Variants in TNS3 observed in about 807,000 individuals in gnomAD.
The protein encoded by TNS3 is tensin 3, also known as tensin-3.
TNS3 carries 45 observed loss-of-function variants against 140.9 expected under a neutral mutation model. The observed-to-expected ratio is 0.32, with a 90% CI of 0.25 to 0.41. The LOEUF is 0.41. TNS3 is among the 10% of genes least tolerant of loss of function. The probability of loss-of-function intolerance (pLI) is 1.00; values close to 1 mark genes in which losing one functional copy is unlikely to be tolerated. For synonymous variants in TNS3, 815 were observed against 788.4 expected (o/e 1.03, Z -0.56); for missense variants, 1,716 against 1,906.7 (o/e 0.90, Z 1.86).
chr7:47,300,961 G>C (rs1786367315), intron 23 of TNS3, among the ~76,000 whole-genome samples: 3 of 152,120 alleles, frequency 2.0e-5, no homozygotes, highest in Admixed American at 6.5e-5. Flanking sequence ...TCGCTTCTTT[G>C]AGATCATAAG....
At chr7:47,306,561 T>C (rs1786765620) in intron 20 of TNS3, among the ~76,000 whole-genome samples, 1 of 151,784 alleles carries the variant, frequency 6.6e-6, no homozygotes, top group African/African-American at 2.4e-5. Flanking sequence ...ATTCTTTTCC[T>C]AAGGAAACCT....
intron 5 of TNS3, among the ~76,000 whole-genome samples, chr7:47,441,097 A>G (rs1001588189): frequency 3.3e-5 from 5 of 152,234 alleles, no homozygotes; most frequent in African/African-American, 1.2e-4. Flanking sequence ...CTTTTTGATT[A>G]AAATGTCTAC....
At chr7:47,323,034 AGC>A (rs1787836314) in intron 20 of TNS3, among the ~76,000 whole-genome samples, 1 of 152,288 alleles carries the variant, frequency 6.6e-6, no homozygotes. Flanking sequence ...CCCCGTCTCC[AGC>A]CCACCTGCAG....
intron 3 of TNS3, among the ~76,000 whole-genome samples, chr7:47,483,126 G>A (rs1414241648): frequency 6.6e-6 from 1 of 151,996 alleles, no homozygotes; most frequent in East Asian, 1.9e-4. Context: ...ATGTACCACA[G>A]GAATGGAAAA....
intron 17 of TNS3, among the ~76,000 whole-genome samples, chr7:47,367,210 C>T (rs943693793): frequency 6.6e-6 from 1 of 152,214 alleles, no homozygotes; most frequent in Non-Finnish European, 1.5e-5. Context: ...TCCTGGCGTG[C>T]ACCTCTGTGC....
intron 20 of TNS3, among the ~76,000 whole-genome samples, chr7:47,320,493 C>T (rs537426633): frequency 6.6e-6 from 1 of 152,340 alleles, no homozygotes; most frequent in East Asian, 1.9e-4. Context: ...CCCTCCCAGT[C>T]TAGCAGCTGG....
chr7:47,524,408 T>C (rs1799101960), intron 2 of TNS3, among the ~76,000 whole-genome samples: 1 of 152,216 alleles, frequency 6.6e-6, no homozygotes, highest in African/African-American at 2.4e-5. Flanking sequence ...CCATCCTAGC[T>C]GAGGCGCCCA....
intron 1 of TNS3, among the ~76,000 whole-genome samples, chr7:47,530,691 G>A (rs1250329625): frequency 6.6e-6 from 1 of 151,040 alleles, no homozygotes; most frequent in African/African-American, 2.4e-5. Context: ...CGGGCATGGT[G>A]GTGGTGCCTG....
At chr7:47,280,476 T>A in intron 28 of TNS3, 122 bp from the exon 29 acceptor site, 5 of 895,648 alleles carry the variant, frequency 5.6e-6, no homozygotes, top group Non-Finnish European at 7.3e-6. Context: ...TTCATACTTT[T>A]ACTCATCACT....
chr7:47,361,282 C>T (rs1175179875), intron 17 of TNS3, among the ~76,000 whole-genome samples: 1 of 151,348 alleles, frequency 6.6e-6, no homozygotes, highest in African/African-American at 2.4e-5. Context: ...GGAAGAGCCA[C>T]ACTCCTTGGC....
At chr7:47,500,574 C>T (rs1343110969) in intron 3 of TNS3, among the ~76,000 whole-genome samples, 1 of 152,204 alleles carries the variant, frequency 6.6e-6, no homozygotes, top group Non-Finnish European at 1.5e-5. Flanking sequence ...GACTGAGTGG[C>T]ATTCCTTCTG....
At position 47,285,297 on chromosome 7, in the gene TNS3, G is replaced by T. The variant is rs987196071; in HGVS notation, c.3929-1432C>A. ...GATGATCACTTGGTGATATGGTTTGGCTCTGTCCCCACCCAAATCTCATCT... is the reference window on the plus strand; with the variant it reads ...GATGATCACTTGGTGATATGGTTTGTCTCTGTCCCCACCCAAATCTCATCT... On this transcript the variant is annotated intron_variant, in intron 27 of 30. Coordinates refer to ENST00000311160, the MANE Select transcript of TNS3 (RefSeq NM_022748.12). 1.6e-4 allele frequency among the ~76,000 whole-genome samples: 25 copies of T among 152,290 alleles called. No individual in the cohort carries two copies. In the Middle Eastern group the frequency reaches 0.01, roughly 62 times the overall value.
At chr7:47,579,410 G>C (rs764180412) in intron 1 of TNS3, 1 of 152,110 alleles carries the variant, frequency 6.6e-6, no homozygotes, top group African/African-American at 2.4e-5. Flanking sequence ...AGATCAACCC[G>C]CAAGACAGGA....
At chr7:47,311,962 C>T (rs1011268879) in intron 20 of TNS3, among the ~76,000 whole-genome samples, 12 of 152,152 alleles carry the variant, frequency 7.9e-5, no homozygotes, top group South Asian at 4.1e-4. Flanking sequence ...CACCAATTTC[C>T]GCACTAATGT....
intron 1 of TNS3, among the ~76,000 whole-genome samples, chr7:47,573,458 C>T (rs1046206317): frequency 6.6e-6 from 1 of 152,228 alleles, no homozygotes; most frequent in Non-Finnish European, 1.5e-5. Flanking sequence ...CCACAGTTCT[C>T]CGAAAGGGTG....
chr7:47,493,783 G>A (rs1020522088), intron 3 of TNS3, among the ~76,000 whole-genome samples: 17 of 150,772 alleles, frequency 1.1e-4, no homozygotes, highest in South Asian at 2.1e-4. Context: ...AGCCGAGATC[G>A]CGCCACTGCA....
At chr7:47,514,924 C>A (rs1300224178) in intron 2 of TNS3, among the ~76,000 whole-genome samples, 2 of 152,128 alleles carry the variant, frequency 1.3e-5, no homozygotes, top group Non-Finnish European at 2.9e-5. Context: ...TCAATGGCAA[C>A]TGGACCATGT....
chr7:47,442,086 A>G, intron 4 of TNS3, 31 bp from the exon 5 acceptor site: 1 of 1,249,884 alleles, frequency 8.0e-7, no homozygotes, highest in African/African-American at 1.6e-5. Context: ...GTCATTTTGA[A>G]GTTTCCTTTC....
intron 1 of TNS3, among the ~76,000 whole-genome samples, chr7:47,575,360 CAT>C (rs752758652): frequency 6.6e-6 from 1 of 152,096 alleles, no homozygotes; most frequent in Non-Finnish European, 1.5e-5. Flanking sequence ...GCACAGAAAA[CAT>C]ATGGCACACA....
Sources: gnomAD v4.1 joint callset for allele counts (sites outside exome capture counted in the v4.1 genomes callset) on GRCh38, gnomAD v4.1.1 for gene constraint, MANE v1.5 for transcripts, NCBI Gene and HGNC (gene_info 2026-07-23, HGNC 2026-07-21) for gene names.